The following DNAAF1 variants were observed in gnomAD, a reference collection of about 807,000 sequenced individuals.
The protein encoded by DNAAF1 is dynein assembly factor 1, axonemal.
DNAAF1 carries 65 observed loss-of-function variants against 71.1 expected under a neutral mutation model. The ratio of observed to expected loss-of-function variants is 0.91; its 90% CI spans 0.75 to 1.12. DNAAF1 has a LOEUF of 1.12. Among genes scored for constraint, DNAAF1 ranks in the 50% most tolerant of loss-of-function variants. The pLI, the probability that DNAAF1 is intolerant of heterozygous loss-of-function variation, is 0.00. For missense variants in DNAAF1, 1,178 were observed against 899.8 expected (o/e 1.31, Z -3.96); for synonymous variants, 414 against 354.6 (o/e 1.17, Z -1.88).
At chr16:84,172,403 A>G in intron 9 of DNAAF1, 28 bp downstream of exon 9, 1 of 1,611,958 alleles carries the variant, frequency 6.2e-7, no homozygotes, top group Non-Finnish European at 8.5e-7. Flanking sequence ...TCTTGGAGAT[A>G]AGTATCAGTT....
intron 3 of DNAAF1, among the ~76,000 whole-genome samples, chr16:84,153,097 G>A (rs917930982): frequency 1.3e-4 from 20 of 152,232 alleles, no homozygotes; most frequent in East Asian, 3.9e-4. Flanking sequence ...TGATGATGAC[G>A]TTGAGGAACT....
rs1432717365 is a variant in DNAAF1 at position 84,171,953 on chromosome 16, T to C, written c.1529-307T>C. Among the ~76,000 whole-genome samples the C allele has an allele frequency of 5.9e-5, 9 of 151,324 alleles. No homozygotes were observed. The South Asian group carries it at 6.3e-4, about 11-fold the overall frequency. ...AGTGCAGTGGCACAATCTCGGCTCA[T>C]TGCAACCTCCCTCTCCCAGGTTCAA... On this transcript the variant is annotated intron_variant, in intron 8 of 11. Coordinates refer to ENST00000378553, the MANE Select transcript of DNAAF1 (RefSeq NM_178452.6).
At chr16:84,172,456 C>A in intron 9 of DNAAF1, 81 bp downstream of exon 9, 5 of 1,559,972 alleles carry the variant, frequency 3.2e-6, no homozygotes, top group Non-Finnish European at 4.3e-6. Flanking sequence ...ACTTTGGAGA[C>A]CCTCGATACC....
Position 84,172,993 on chromosome 16 carries a change from T to C in DNAAF1, c.1644+618T>C, listed in dbSNP as rs556622682. The C allele has an allele frequency of 2.1e-5, 21 of 995,438 alleles. No individual in the cohort carries two copies. The African/African-American group carries it at 3.3e-4, about 16-fold the overall frequency. 61.7% of individuals were successfully genotyped at this position (995,438 alleles called of 1,614,324 possible). A position where few individuals can be genotyped will look rare whatever the true frequency, so the allele number is the denominator to read the frequency against. ...GAATGGTACCATGGGAATTCACACA[T>C]TGTCTCACAACCCCCCAAGAACTGT... On this transcript the variant is annotated intron_variant, in intron 9 of 11. Transcript: ENST00000378553.
intron 10 of DNAAF1, 191 bp from the exon 11 acceptor site, chr16:84,175,742 A>T (rs2088616839): frequency 3.0e-6 from 2 of 661,538 alleles, no homozygotes; most frequent in Non-Finnish European, 5.3e-6. Context: ...GGGCATAGAC[A>T]TGAGCTGTGC....
chr16:84,166,750 G>C (rs183094312), intron 7 of DNAAF1, among the ~76,000 whole-genome samples: 138 of 152,294 alleles, frequency 9.1e-4, no homozygotes, highest in African/African-American at 3.2e-3. Context: ...CAGCACCAGT[G>C]AGAACCTCAA....
At chr16:84,153,752 G>A (rs369460336) in intron 3 of DNAAF1, among the ~76,000 whole-genome samples, 14 of 152,274 alleles carry the variant, frequency 9.2e-5, no homozygotes, top group African/African-American at 2.6e-4. Context: ...TTTCCTAACC[G>A]TAAATTTGGC....
chr16:84,171,816 C>G (rs910893515), intron 8 of DNAAF1, among the ~76,000 whole-genome samples: 3 of 152,052 alleles, frequency 2.0e-5, no homozygotes, highest in Non-Finnish European at 4.4e-5. Context: ...CAGACAGAAG[C>G]CTGTGGTGAG....
chr16:84,151,729 C>G (rs1026271250), intron 3 of DNAAF1, among the ~76,000 whole-genome samples: 1 of 152,180 alleles, frequency 6.6e-6, no homozygotes, highest in South Asian at 2.1e-4. Flanking sequence ...GAGGCAGTAG[C>G]CAGACTGTCA....
chr16:84,163,947 G>A (rs955722396), intron 6 of DNAAF1, among the ~76,000 whole-genome samples: 1 of 151,734 alleles, frequency 6.6e-6, no homozygotes, highest in Non-Finnish European at 1.5e-5. Flanking sequence ...TGGGACTGCA[G>A]GTGTGCACCA....
chr16:84,147,105 C>G (rs909162412), intron 1 of DNAAF1, among the ~76,000 whole-genome samples: 3 of 152,146 alleles, frequency 2.0e-5, no homozygotes, highest in East Asian at 1.9e-4. Context: ...CATCTGTAAG[C>G]TGGAATAATT....
intron 9 of DNAAF1, chr16:84,173,347 C>A: frequency 1.6e-6 from 1 of 618,174 alleles, no homozygotes; most frequent in Non-Finnish European, 2.0e-6. Context: ...ACCTGTAGTC[C>A]CAGCTACTTG....
rs1222151689 is a variant in DNAAF1, at chr16:84,174,587, CGT to C, written c.1645-79_1645-78del. ...ACTGTAACTAAGGCTGGGTTGACTG[CGT>C]GTTTGCCTTTATCGTGCCTATCAGA... On this transcript the variant is annotated intron_variant, in intron 9 of 11. Transcript: ENST00000378553. 41 of 1,612,100 alleles carry C rather than the reference CGT, an allele frequency of 2.5e-5. No individual in the cohort carries two copies. In the East Asian group the frequency reaches 7.8e-4, roughly 31 times the overall value.
intron 9 of DNAAF1, chr16:84,173,449 G>A: frequency 1.0e-6 from 1 of 970,948 alleles, no homozygotes; most frequent in Non-Finnish European, 1.2e-6. Context: ...GGGCGACAGA[G>A]CGAGACTCCA....
rs1199459644 is a variant in DNAAF1, at chr16:84,169,829, C to T, written c.1031-30C>T. ...CACCCTTGTCCTCCCAGGACACTCC[C>T]ACATTCACCTTTGCATTTTCTGCCA... is the stretch of plus-strand genomic sequence containing the variant. On this transcript the variant is annotated intron_variant, in intron 7 of 11. Transcript: ENST00000378553. The T allele has an allele frequency of 2.5e-6, 4 of 1,612,690 alleles. No individual in the cohort carries two copies. In the African/African-American group the frequency reaches 5.3e-5, roughly 22 times the overall value.
Position 84,154,660 on chromosome 16 carries a change from A to C in DNAAF1, c.436A>C (p.Asn146His). 1 of 1,614,154 alleles carries C rather than the reference A, an allele frequency of 6.2e-7. No individual in the cohort carries two copies. The highest frequency in any genetic ancestry group is 8.5e-7 in the Non-Finnish European group (1 of 1,180,032). Residue 146 changes from asparagine to histidine, a missense_variant, in exon 4 of 12, where the codon AAC becomes CAC. Coordinates refer to ENST00000378553, the MANE Select transcript of DNAAF1 (RefSeq NM_178452.6). ...LQSNGIQKIE[N>H]LEAQTELRCL... ...GAGCAATGGAATACAGAAAATCGAA[A>C]ACCTGGAGGCCCAAACTGAGTTGCG...
At chr16:84,146,210 T>C (rs34798044) in intron 1 of DNAAF1, among the ~76,000 whole-genome samples, 224 of 152,312 alleles carry the variant, frequency 1.5e-3, no homozygotes, top group Admixed American at 4.2e-3. Context: ...GGTCCCAACT[T>C]TGATGCTTTA....
intron 5 of DNAAF1, among the ~76,000 whole-genome samples, chr16:84,156,152 A>G (rs2087417043): frequency 6.6e-6 from 1 of 152,060 alleles, no homozygotes; most frequent in African/African-American, 2.4e-5. Context: ...TAGTAGATTC[A>G]GGGTTTCATC....
intron 1 of DNAAF1, 70 bp downstream of exon 1, chr16:84,145,634 C>G (rs2086863749): frequency 6.6e-7 from 1 of 1,514,816 alleles, no homozygotes; most frequent in Non-Finnish European, 8.9e-7. Flanking sequence ...GCCCCCTTCC[C>G]ACACCACATA....
Sources: gnomAD v4.1 joint callset for allele counts (sites outside exome capture counted in the v4.1 genomes callset) on GRCh38, gnomAD v4.1.1 for gene constraint, MANE v1.5 for transcripts, NCBI Gene and HGNC (gene_info 2026-07-23, HGNC 2026-07-21) for gene names.